The following MAGI3 variants were observed in gnomAD, a reference collection of about 807,000 sequenced individuals.
MAGI3 encodes the protein membrane associated guanylate kinase, WW and PDZ domain containing 3, also known as membrane-associated guanylate kinase, WW and PDZ domain-containing protein 3.
A neutral mutation model predicts 121.8 loss-of-function variants in MAGI3; 43 were observed. The observed-to-expected ratio is 0.35, with a 90% CI of 0.28 to 0.46. MAGI3 has a LOEUF of 0.46. MAGI3 is among the 20% of genes least tolerant of loss of function. The probability of loss-of-function intolerance (pLI) is 1.00; values close to 1 mark genes in which losing one functional copy is unlikely to be tolerated. For synonymous variants in MAGI3, 553 were observed against 639.3 expected (o/e 0.86, Z 2.04); for missense variants, 1,547 against 1,797.3 (o/e 0.86, Z 2.52).
chr1:113,560,876 TAAAC>T (rs1660206163), intron 2 of MAGI3, among the ~76,000 whole-genome samples: 3 of 151,884 alleles, frequency 2.0e-5, no homozygotes, highest in African/African-American at 7.2e-5. Flanking sequence ...GCTAGATTAA[TAAAC>T]AAGAAAAGAG....
chr1:113,560,169 A>G (rs542889372), intron 2 of MAGI3, among the ~76,000 whole-genome samples: 5 of 152,310 alleles, frequency 3.3e-5, no homozygotes, highest in African/African-American at 1.2e-4. Flanking sequence ...AAATCATAAC[A>G]ATCTCTCAGA....
chr1:113,655,449 A>G (rs991235997), intron 15 of MAGI3, among the ~76,000 whole-genome samples: 1 of 151,816 alleles, frequency 6.6e-6, no homozygotes, highest in Admixed American at 6.6e-5. Flanking sequence ...GCTTAAATAT[A>G]TTTAAGCATA....
intron 6 of MAGI3, among the ~76,000 whole-genome samples, chr1:113,599,621 C>T (rs1201994129): frequency 7.9e-5 from 12 of 151,356 alleles, no homozygotes; most frequent in Non-Finnish European, 1.6e-4. Flanking sequence ...GATGGATTCA[C>T]AGCCGAATTC....
chr1:113,583,227 T>C (rs189053455), intron 3 of MAGI3, among the ~76,000 whole-genome samples: 35 of 152,108 alleles, frequency 2.3e-4, no homozygotes, highest in African/African-American at 7.9e-4. Context: ...ACATGTGCCA[T>C]GTTGGTGTGC....
chr1:113,595,398 C>A (rs1007842040), intron 6 of MAGI3, among the ~76,000 whole-genome samples: 27 of 151,908 alleles, frequency 1.8e-4, no homozygotes, highest in African/African-American at 6.5e-4. Context: ...ATGTCTTTAC[C>A]TTAGGAGATG....
intron 1 of MAGI3, among the ~76,000 whole-genome samples, chr1:113,406,711 A>G (rs772216506): frequency 2.6e-5 from 4 of 152,114 alleles, no homozygotes; most frequent in African/African-American, 4.8e-5. Flanking sequence ...GTTCAAGACC[A>G]GCCTGAGCAA....
intron 4 of MAGI3, among the ~76,000 whole-genome samples, chr1:113,589,717 A>G (rs951574704): frequency 2.6e-5 from 4 of 152,070 alleles, no homozygotes; most frequent in Admixed American, 2.0e-4. Context: ...CTGCAATTTG[A>G]AGTTGTTATA....
intron 2 of MAGI3, among the ~76,000 whole-genome samples, chr1:113,572,790 C>G (rs1647381403): frequency 6.6e-6 from 1 of 152,040 alleles, no homozygotes; most frequent in South Asian, 2.1e-4. Flanking sequence ...CTCTTTTCTT[C>G]TTTTTTATTC....
rs879719505 is a variant in MAGI3, at chr1:113,520,246, C to CT, written c.317-29258dup. Among the ~76,000 whole-genome samples, 435 of 144,308 alleles carry CT rather than the reference C, an allele frequency of 3.0e-3. 1 individual carries two copies. The highest frequency in any genetic ancestry group is 9.7e-3 in the South Asian group (44 of 4,546). The allele number at this position is 144,308 out of a possible 152,430, so 94.7% of individuals were successfully genotyped here. A position where few individuals can be genotyped will look rare whatever the true frequency, so the allele number is the denominator to read the frequency against. On this transcript the variant is annotated intron_variant, in intron 1 of 20. Coordinates refer to ENST00000307546, the MANE Select transcript of MAGI3 (RefSeq NM_001142782.2). The stretch of plus-strand genomic sequence containing the variant: ...CACAATAGGAATGAATATATTGAGA[C>CT]TTTTTTTTTTTAGTTCTTCCTGTGT...
intron 2 of MAGI3, among the ~76,000 whole-genome samples, chr1:113,575,160 T>A (rs968418351): frequency 6.6e-6 from 1 of 152,202 alleles, no homozygotes; most frequent in African/African-American, 2.4e-5. Context: ...AGGAGTTTGT[T>A]ATTACCCACC....
chr1:113,611,943 A>ATTTATTTATTTT (rs773636664), intron 6 of MAGI3, among the ~76,000 whole-genome samples: 13,792 of 150,162 alleles, frequency 0.092, 827 homozygotes, highest in East Asian at 0.18. Flanking sequence ...CAACTTATTT[A>ATTTATTTATTTT]TTTATTTATT....
At chr1:113,471,194 G>C (rs1485781584) in intron 1 of MAGI3, among the ~76,000 whole-genome samples, 1 of 152,102 alleles carries the variant, frequency 6.6e-6, no homozygotes, top group Non-Finnish European at 1.5e-5. Flanking sequence ...AGAGCACATG[G>C]AACATTTTCC....
At chr1:113,392,094 A>G (rs750801956) in intron 1 of MAGI3, among the ~76,000 whole-genome samples, 17 of 152,238 alleles carry the variant, frequency 1.1e-4, no homozygotes, top group Admixed American at 2.0e-4. Context: ...CTTTTATGCT[A>G]GTAAAAATTG....
chr1:113,430,788 A>C (rs1020013912), intron 1 of MAGI3, among the ~76,000 whole-genome samples: 2 of 152,242 alleles, frequency 1.3e-5, no homozygotes, highest in African/African-American at 4.8e-5. Context: ...GTTGGAATAG[A>C]CTATCCTAAA....
At chr1:113,396,468 T>C (rs575443283) in intron 1 of MAGI3, among the ~76,000 whole-genome samples, 2 of 152,280 alleles carry the variant, frequency 1.3e-5, no homozygotes, top group Non-Finnish European at 2.9e-5. Flanking sequence ...TTTAAAACTA[T>C]TGTCTAAAGT....
At chr1:113,418,587 C>G (rs1652574489) in intron 1 of MAGI3, among the ~76,000 whole-genome samples, 1 of 151,990 alleles carries the variant, frequency 6.6e-6, no homozygotes, top group Admixed American at 6.6e-5. Flanking sequence ...TAGTCTTCTT[C>G]TTTCTCTTTT....
chr1:113,621,854 C>A (rs1650839266), intron 8 of MAGI3, among the ~76,000 whole-genome samples: 1 of 151,844 alleles, frequency 6.6e-6, no homozygotes, highest in African/African-American at 2.4e-5. Context: ...ATTCAAAAAA[C>A]CACATATTGT....
At chr1:113,518,468 GT>G (rs146763774) in intron 1 of MAGI3, among the ~76,000 whole-genome samples, 3,531 of 151,656 alleles carry the variant, frequency 0.023, 134 homozygotes, top group African/African-American at 0.081. Flanking sequence ...GAACCTTACT[GT>G]TTTTTTTGTG....
At chr1:113,562,809 G>A (rs1422824694) in intron 2 of MAGI3, among the ~76,000 whole-genome samples, 1 of 152,132 alleles carries the variant, frequency 6.6e-6, no homozygotes, top group East Asian at 1.9e-4. Context: ...TAACAAACCT[G>A]CACAACCTGT....
Sources: allele counts gnomAD v4.1 joint callset (sites outside exome capture counted in the v4.1 genomes callset), GRCh38; gene constraint gnomAD v4.1.1; transcripts MANE v1.5; gene names NCBI Gene and HGNC (gene_info 2026-07-23, HGNC 2026-07-21).